XRCC5: variants seen among roughly 807,000 people sequenced by gnomAD.
The protein encoded by XRCC5 is DNA repair protein Ku80.
In XRCC5, 12 loss-of-function variants were observed where a neutral mutation model predicts 95.7. The observed-to-expected ratio is 0.13, with a 90% confidence interval of 0.08 to 0.20. XRCC5 has a LOEUF of 0.20. Ranked by LOEUF, XRCC5 falls within the 10% of genes least tolerant of loss-of-function variation. The pLI, the probability that XRCC5 is intolerant of heterozygous loss-of-function variation, is 1.00. For synonymous variants in XRCC5, 281 were observed against 290.3 expected (o/e 0.97, Z 0.33); for missense variants, 595 against 873.9 (o/e 0.68, Z 4.02).
intron 16 of XRCC5, among the ~76,000 whole-genome samples, chr2:216,174,487 C>T (rs1689233312): frequency 6.6e-6 from 1 of 152,150 alleles, no homozygotes; most frequent in Admixed American, 6.5e-5. Context: ...AGTTTCTGTA[C>T]TAAAATACAG....
chr2:216,123,008 G>C (rs1327110276), intron 6 of XRCC5, among the ~76,000 whole-genome samples: 1 of 152,194 alleles, frequency 6.6e-6, no homozygotes, highest in East Asian at 1.9e-4. Context: ...CTAGAATAGT[G>C]TGTGTCCTAT....
intron 17 of XRCC5, among the ~76,000 whole-genome samples, chr2:216,192,133 G>A (rs1689625040): frequency 6.6e-6 from 1 of 152,050 alleles, no homozygotes; most frequent in Admixed American, 6.5e-5. Context: ...CAAGTAGCTG[G>A]GAATACATGC....
At chr2:216,113,154 T>G (rs769403229) in intron 2 of XRCC5, 25 bp downstream of exon 2, 18 of 1,593,610 alleles carry the variant, frequency 1.1e-5, no homozygotes, top group Middle Eastern at 3.3e-4. Context: ...GACACTGAGC[T>G]TGTAACCCAT....
chr2:216,194,159 C>G (rs1249922405), intron 18 of XRCC5, among the ~76,000 whole-genome samples: 2 of 152,216 alleles, frequency 1.3e-5, no homozygotes, highest in Non-Finnish European at 2.9e-5. Context: ...ACAGTAAGTC[C>G]TCTCTTAACG....
chr2:216,116,530 G>A (rs927247459), intron 2 of XRCC5, 129 bp from the exon 3 acceptor site: 43 of 961,420 alleles, frequency 4.5e-5, no homozygotes, highest in East Asian at 1.3e-4. Context: ...GTTTCATCCC[G>A]CCCAATACTA....
intron 16 of XRCC5, among the ~76,000 whole-genome samples, chr2:216,171,011 CA>C (rs1265532459): frequency 6.6e-6 from 1 of 152,194 alleles, no homozygotes; most frequent in Non-Finnish European, 1.5e-5. Context: ...AAACCGGTTT[CA>C]GATTGTGCTG....
At chr2:216,202,986 CAT>C (rs1165392347) in intron 19 of XRCC5, among the ~76,000 whole-genome samples, 5 of 152,136 alleles carry the variant, frequency 3.3e-5, no homozygotes, top group Admixed American at 6.6e-5. Flanking sequence ...TTTAAAGAGA[CAT>C]ATTTTAGTTT....
At chr2:216,119,838 T>A (rs1696775322) in intron 5 of XRCC5, among the ~76,000 whole-genome samples, 1 of 152,248 alleles carries the variant, frequency 6.6e-6, no homozygotes, top group Non-Finnish European at 1.5e-5. Context: ...CTAACAAAAA[T>A]TTCTTTTCAC....
At chr2:216,134,877 C>T (rs1416224457) in intron 10 of XRCC5, among the ~76,000 whole-genome samples, 1 of 152,212 alleles carries the variant, frequency 6.6e-6, no homozygotes, top group Non-Finnish European at 1.5e-5. Flanking sequence ...TTAGAACATA[C>T]ATGTTTCATA....
chr2:216,161,328 G>C (rs1574472319), intron 15 of XRCC5, among the ~76,000 whole-genome samples: 1 of 152,164 alleles, frequency 6.6e-6, no homozygotes, highest in African/African-American at 2.4e-5. Context: ...CCCTGTGAGG[G>C]TTGGGGCCAG....
At position 216,122,120 on chromosome 2, in the gene XRCC5, C is replaced by T. The variant is rs764110781; in HGVS notation, c.550C>T (p.Arg184Cys). 9 of 1,614,012 alleles carry T rather than the reference C, an allele frequency of 5.6e-6. No homozygotes were observed. The highest frequency in any genetic ancestry group is 1.7e-5 in the Admixed American group (1 of 59,998). ...GSGDRGDGPF[R>C]LGGHGPSFPL... is the part of the protein sequence containing the mutation. ...TGGGGACAGAGGAGATGGCCCCTTT[C>T]GCTTAGGTGGCCATGGGCCTTCCTT... The change falls in exon 6 of 21, where the codon CGC (arginine) becomes TGC (cysteine). Residue 184 changes from arginine to cysteine, a missense_variant. This residue lies in a region of XRCC5 where 286 missense variants were observed against 491.1 expected (regional missense o/e 0.58). Transcript: ENST00000392132.
intron 14 of XRCC5, among the ~76,000 whole-genome samples, chr2:216,157,121 C>T (rs754064524): frequency 3.9e-5 from 6 of 152,170 alleles, no homozygotes; most frequent in Admixed American, 6.5e-5. Flanking sequence ...TCTTTCCTCA[C>T]GTTTTTTAAT....
chr2:216,168,698 G>GA (rs1050024472), intron 16 of XRCC5, among the ~76,000 whole-genome samples: 2 of 152,102 alleles, frequency 1.3e-5, no homozygotes, highest in Non-Finnish European at 2.9e-5. Context: ...TCTGTTAACT[G>GA]AAAAAAATCA....
chr2:216,198,596 C>G (rs1312880372), intron 19 of XRCC5, among the ~76,000 whole-genome samples: 1 of 151,748 alleles, frequency 6.6e-6, no homozygotes, highest in East Asian at 1.9e-4. Context: ...CCCTCTGTTG[C>G]CCAAGCTGGA....
chr2:216,167,445 T>C (rs959199506), intron 16 of XRCC5, among the ~76,000 whole-genome samples: 2 of 152,196 alleles, frequency 1.3e-5, no homozygotes, highest in African/African-American at 4.8e-5. Flanking sequence ...GGTATAGCAC[T>C]ATCCCATTTG....
intron 10 of XRCC5, among the ~76,000 whole-genome samples, chr2:216,133,528 G>C (rs1469841297): frequency 2.6e-5 from 4 of 152,156 alleles, no homozygotes; most frequent in Non-Finnish European, 5.9e-5. Flanking sequence ...AGAACATTCT[G>C]ATCACTTCAT....
chr2:216,135,949 G>C (rs1239959095), intron 10 of XRCC5, among the ~76,000 whole-genome samples: 1 of 152,170 alleles, frequency 6.6e-6, no homozygotes, highest in East Asian at 1.9e-4. Context: ...TTTTAGTCTT[G>C]TCGTGGTGAA....
Position 216,109,436 on chromosome 2 carries a change from C to T in XRCC5, c.-1C>T, listed in dbSNP as rs1470723740. The T allele has an allele frequency of 1.9e-6, 3 of 1,614,100 alleles. No homozygotes were observed. The South Asian group carries it at 3.3e-5, about 18-fold the overall frequency. The stretch of plus-strand genomic sequence containing the variant: ...GACCAAAGCGCCTGAGGACCGGCAA[C>T]ATGGTGCGGTCGGGGAATAAGGTAT... On this transcript the variant is annotated 5_prime_UTR_variant, in exon 1 of 21. Transcript: ENST00000392132.
In XRCC5 at chr2:216,160,111, G is replaced by T. The variant is rs748659715; in HGVS notation, c.1714G>T (p.Gly572Trp). Residue 572 changes from glycine to tryptophan, a missense_variant, in exon 15 of 21, where the codon GGG becomes TGG. Physicochemically the swap from Gly to Trp is radical, Grantham distance 184. Coordinates refer to ENST00000392132, the MANE Select transcript of XRCC5 (RefSeq NM_021141.4). ...PTAKKLKTEQ[G>W]GAHFSVSSLA... ...AGCTAAAAAATTAAAGACTGAGCAA[G>T]GGGGAGCCCACTTCAGCGTCTCCAG... 6.2e-6 allele frequency: 10 copies of T among 1,607,862 alleles called. No individual in the cohort carries two copies. Among genetic ancestry groups the T allele is most frequent in the Admixed American group, 3.4e-5 (2 of 59,278 alleles).
Sources: allele counts gnomAD v4.1 joint callset (sites outside exome capture counted in the v4.1 genomes callset), GRCh38; gene constraint gnomAD v4.1.1; regional missense constraint gnomAD v4.1.1; transcripts MANE v1.5; gene names NCBI Gene and HGNC (gene_info 2026-07-23, HGNC 2026-07-21).